Variants in NELL1 observed in about 807,000 individuals in gnomAD.
NELL1 encodes the protein neural EGFL like 1.
A neutral mutation model predicts 107.4 loss-of-function variants in NELL1; 76 were observed. The observed-to-expected ratio is 0.71, with a 90% confidence interval of 0.59 to 0.86. The LOEUF is 0.86. Among genes scored for constraint, NELL1 ranks in the 40% least tolerant of loss-of-function variants. The pLI, the probability that NELL1 is intolerant of heterozygous loss-of-function variation, is 0.00. For synonymous variants in NELL1, 353 were observed against 341.2 expected, an observed-to-expected ratio of 1.03 and a Z score of -0.38; for missense variants, 1,024 against 1,005.5, an observed-to-expected ratio of 1.02 and a Z score of -0.25.
intron 14 of NELL1, among the ~76,000 whole-genome samples, chr11:21,288,187 G>A (rs1203798674): frequency 2.6e-5 from 4 of 152,116 alleles, no homozygotes; most frequent in African/African-American, 9.7e-5. Flanking sequence ...TAATGGCTTA[G>A]GAGTAGGGAA....
In NELL1 at chr11:20,892,928, C is replaced by CA. The variant is rs35992813; in HGVS notation, c.603+7407dup. 5.1e-3 allele frequency among the ~76,000 whole-genome samples: 505 copies of CA among 98,212 alleles called. 4 individuals carry two copies. The highest frequency in any genetic ancestry group is 0.013 in the Middle Eastern group (2 of 154). The allele number at this position is 98,212 out of a possible 152,430, so 64.4% of individuals were successfully genotyped here. ...TGGGTGACAGAGAGAGACTGTGTCT[C>CA]AAAAAAAAAAAAAAAAAAACAGACA... On this transcript the variant is annotated intron_variant, in intron 5 of 19. Coordinates refer to ENST00000357134, the MANE Select transcript of NELL1 (RefSeq NM_006157.5).
chr11:21,041,228 C>G (rs541106062), intron 12 of NELL1, among the ~76,000 whole-genome samples: 2 of 152,292 alleles, frequency 1.3e-5, no homozygotes, highest in East Asian at 3.9e-4. Flanking sequence ...CAGCAAGTCT[C>G]TCCACTGCTT....
chr11:20,739,693 T>C (rs1046211949), intron 2 of NELL1, among the ~76,000 whole-genome samples: 3 of 152,280 alleles, frequency 2.0e-5, no homozygotes, highest in East Asian at 1.9e-4. Context: ...GTCATGTTAA[T>C]GGACATGTTC....
At chr11:21,010,632 A>C (rs2134286306) in intron 12 of NELL1, among the ~76,000 whole-genome samples, 1 of 152,264 alleles carries the variant, frequency 6.6e-6, no homozygotes, top group South Asian at 2.1e-4. Context: ...GAGGGTGAAC[A>C]ATAAAATACA....
At position 20,834,577 on chromosome 11, in the gene NELL1, C is replaced by G. The variant is rs528553021; in HGVS notation, c.336-13006C>G. ...AATTAGCTGGGTGTGGTGGCGGGCA[C>G]CTGTAGTCCCAGCTACTAGGGAGGC... On this transcript the variant is annotated intron_variant, in intron 3 of 19. Transcript: ENST00000357134. Among the ~76,000 whole-genome samples the G allele has an allele frequency of 1.1e-4, 16 of 152,128 alleles. No individual in the cohort carries two copies. The South Asian group carries it at 3.1e-3, about 30-fold the overall frequency.
chr11:20,772,939 A>G (rs1490121252), intron 2 of NELL1, among the ~76,000 whole-genome samples: 1 of 152,258 alleles, frequency 6.6e-6, no homozygotes, highest in Non-Finnish European at 1.5e-5. Flanking sequence ...TTAAATTAGC[A>G]TATATAAAGT....
chr11:21,517,444 A>G (rs1004732221), intron 15 of NELL1, among the ~76,000 whole-genome samples: 4 of 152,158 alleles, frequency 2.6e-5, no homozygotes, highest in Admixed American at 6.5e-5. Context: ...GAGCTACATA[A>G]TAGCTGTTCC....
At chr11:20,838,856 C>T (rs1340181195) in intron 3 of NELL1, among the ~76,000 whole-genome samples, 4 of 152,126 alleles carry the variant, frequency 2.6e-5, no homozygotes, top group Admixed American at 2.0e-4. Flanking sequence ...TGCCTATTTC[C>T]TAAATCTTGC....
intron 4 of NELL1, among the ~76,000 whole-genome samples, chr11:20,880,929 T>C (rs1377983545): frequency 6.6e-6 from 1 of 152,128 alleles, no homozygotes; most frequent in Non-Finnish European, 1.5e-5. Flanking sequence ...AGTTTTTAAA[T>C]TATTTTTCGG....
At chr11:20,823,165 T>C (rs530094085) in intron 3 of NELL1, among the ~76,000 whole-genome samples, 10 of 151,592 alleles carry the variant, frequency 6.6e-5, no homozygotes, top group African/African-American at 2.4e-4. Flanking sequence ...CAGTTCCACA[T>C]GGCTGGGGAA....
At chr11:20,963,344 C>T (rs1851326575) in intron 12 of NELL1, among the ~76,000 whole-genome samples, 2 of 152,016 alleles carry the variant, frequency 1.3e-5, no homozygotes, top group Non-Finnish European at 2.9e-5. Flanking sequence ...CTATCCTCAC[C>T]ACACACACAC....
intron 15 of NELL1, among the ~76,000 whole-genome samples, chr11:21,405,522 C>G (rs1307917421): frequency 2.6e-5 from 4 of 151,956 alleles, no homozygotes; most frequent in African/African-American, 7.2e-5. Context: ...TACGAGAAAT[C>G]AGATTCTGGG....
intron 16 of NELL1, among the ~76,000 whole-genome samples, chr11:21,538,209 A>G (rs1856188750): frequency 6.6e-6 from 1 of 152,138 alleles, no homozygotes; most frequent in African/African-American, 2.4e-5. Flanking sequence ...GTATCAGTTT[A>G]GGCTTTTAGA....
At chr11:20,766,777 C>T (rs1488735257) in intron 2 of NELL1, among the ~76,000 whole-genome samples, 3 of 148,206 alleles carry the variant, frequency 2.0e-5, no homozygotes, top group Non-Finnish European at 3.0e-5. Flanking sequence ...GAGCCTCATT[C>T]TGTTGCCCAG....
intron 14 of NELL1, among the ~76,000 whole-genome samples, chr11:21,231,092 C>A (rs78812422): frequency 6.6e-6 from 1 of 152,076 alleles, no homozygotes; most frequent in African/African-American, 2.4e-5. Flanking sequence ...TGTATGTACA[C>A]GCACGCACAC....
intron 2 of NELL1, among the ~76,000 whole-genome samples, chr11:20,744,893 C>T (rs7111220): frequency 0.21 from 31,486 of 152,004 alleles, 3,624 homozygotes; most frequent in African/African-American, 0.29. Context: ...CTTACTGTTC[C>T]CTCTGCCTGG....
chr11:21,299,509 ATATGTG>A (rs1416203705), intron 14 of NELL1, among the ~76,000 whole-genome samples: 8 of 106,568 alleles, frequency 7.5e-5, no homozygotes, highest in Non-Finnish European at 1.3e-4. Flanking sequence ...TTATTGTCTT[ATATGTG>A]TGTGTGTGTG....
At chr11:21,489,078 C>G (rs1455540062) in intron 15 of NELL1, among the ~76,000 whole-genome samples, 1 of 151,428 alleles carries the variant, frequency 6.6e-6, no homozygotes, top group Non-Finnish European at 1.5e-5. Context: ...GAAAAAAAAT[C>G]AGAAATGAAA....
chr11:20,914,242 C>T (rs1298038366), intron 5 of NELL1, among the ~76,000 whole-genome samples: 1 of 152,118 alleles, frequency 6.6e-6, no homozygotes, highest in Non-Finnish European at 1.5e-5. Flanking sequence ...GTCCTGAGGA[C>T]ATGTGCCCAA....
Sources: gnomAD v4.1 joint callset for allele counts (sites outside exome capture counted in the v4.1 genomes callset) on GRCh38, gnomAD v4.1.1 for gene constraint, MANE v1.5 for transcripts, NCBI Gene and HGNC (gene_info 2026-07-23, HGNC 2026-07-21) for gene names.